The following LRRC63 variants were observed in gnomAD, a reference collection of about 807,000 sequenced individuals.
The protein encoded by LRRC63 is leucine-rich repeat-containing protein 63.
LRRC63 carries 40 observed loss-of-function variants against 49.5 expected under a neutral mutation model. The ratio of observed to expected loss-of-function variants is 0.81; its 90% CI spans 0.63 to 1.05. The LOEUF (loss-of-function observed/expected upper bound fraction) is 1.05. Ranked by LOEUF, LRRC63 falls within the 50% of genes least tolerant of loss-of-function variation. The pLI, the probability that LRRC63 is intolerant of heterozygous loss-of-function variation, is 0.00. For missense variants in LRRC63, 636 were observed against 663.1 expected (o/e 0.96, Z 0.45); for synonymous variants, 191 against 221.1 (o/e 0.86, Z 1.21).
At chr13:46,228,673 G>A (rs2046649684) in exon 4 of LRRC63, 1 of 1,541,078 alleles carries the variant, frequency 6.5e-7, no homozygotes, top group Admixed American at 2.0e-5. Context: ...AGAAACTCTT[G>A]TAACAGAAAA....
chr13:46,216,621 C>T (rs1323097984), intron 2 of LRRC63, among the ~76,000 whole-genome samples: 1 of 152,166 alleles, frequency 6.6e-6, no homozygotes, highest in Non-Finnish European at 1.5e-5. Context: ...ATTGTGCTGG[C>T]CAGAACTTCC....
chr13:46,270,494 G>GA lies in LRRC63; in HGVS notation c.1550+3524dup. On this transcript the variant is annotated intron_variant, in intron 9 of 9. Coordinates refer to ENST00000595396, the Ensembl canonical transcript of LRRC63. Reference sequence around the variant, plus strand: ...CTATTCTTCAAGAAAAGCCATCACTGAAGGCTACATTGCAGTTGAGTTACC... The same window carrying GA: ...CTATTCTTCAAGAAAAGCCATCACTGAAAGGCTACATTGCAGTTGAGTTACC... 5.1e-6 allele frequency: 4 copies of GA among 784,680 alleles called. No individual in the cohort carries two copies. In the South Asian group the frequency reaches 5.3e-5, roughly 10 times the overall value. 48.6% of individuals were successfully genotyped at this position (784,680 alleles called of 1,614,324 possible).
Position 46,269,931 on chromosome 13 carries a change from C to T in LRRC63, c.1550+2959C>T, listed in dbSNP as rs754929217. Reference sequence around the variant, plus strand: ...CATATATATATATATAGTAGTCATCCCTTATCCTTGGGAGATGCATTCCAA... The same window carrying T: ...CATATATATATATATAGTAGTCATCTCTTATCCTTGGGAGATGCATTCCAA... On this transcript the variant is annotated intron_variant, in intron 9 of 9. Transcript: ENST00000595396. The T allele has an allele frequency of 9.7e-5, 21 of 215,950 alleles. No individual in the cohort carries two copies. In the Admixed American group the frequency reaches 1.1e-3, roughly 11 times the overall value. 13.4% of individuals were successfully genotyped at this position (215,950 alleles called of 1,614,324 possible). A position where few individuals can be genotyped will look rare whatever the true frequency, so the allele number is the denominator to read the frequency against.
At position 46,234,188 on chromosome 13, in the gene LRRC63, T is replaced by G; in HGVS notation, c.833-4T>G. On this transcript the variant is annotated splice_region_variant and splice_polypyrimidine_tract_variant and intron_variant, in intron 4 of 9. Coordinates refer to ENST00000595396, the Ensembl canonical transcript of LRRC63. ...TTATGTTTTGTTTTGTTTTGTTTAT[T>G]TAGGTCTCACCAAAACTGAAAAAAT... 12 of 1,547,326 alleles carry G rather than the reference T, an allele frequency of 7.8e-6. No individual in the cohort carries two copies. The highest frequency in any genetic ancestry group is 9.6e-6 in the Non-Finnish European group (11 of 1,144,976).
At chr13:46,225,709 CATT>C (rs1405068399) in intron 2 of LRRC63, among the ~76,000 whole-genome samples, 9 of 152,248 alleles carry the variant, frequency 5.9e-5, no homozygotes, top group Admixed American at 2.6e-4. Flanking sequence ...AGGAAGCAAA[CATT>C]ATTTTCTTAC....
intron 2 of LRRC63, among the ~76,000 whole-genome samples, chr13:46,213,993 C>A (rs1174695978): frequency 2.0e-5 from 3 of 152,134 alleles, no homozygotes; most frequent in African/African-American, 7.2e-5. Context: ...TAAGTAAATG[C>A]AAAATTACCC....
exon 7 of LRRC63, chr13:46,250,478 G>C: frequency 6.5e-7 from 1 of 1,532,756 alleles, no homozygotes; most frequent in Non-Finnish European, 8.8e-7. Context: ...TTTAATTACT[G>C]TTCTTCCAAT....
intron 6 of LRRC63, among the ~76,000 whole-genome samples, chr13:46,247,110 A>T (rs757899671): frequency 3.3e-5 from 5 of 152,142 alleles, no homozygotes; most frequent in Non-Finnish European, 7.4e-5. Context: ...ATTAGGACAA[A>T]TTACGTTTTT....
At chr13:46,268,310 A>T (rs1490732706) in intron 9 of LRRC63, among the ~76,000 whole-genome samples, 1 of 152,208 alleles carries the variant, frequency 6.6e-6, no homozygotes, top group Non-Finnish European at 1.5e-5. Flanking sequence ...AGGTAAAGAG[A>T]TTGGAGAAAA....
rs776437984 is a variant in LRRC63 at position 46,266,743 on chromosome 13, A to G, written c.1321A>G (p.Lys441Glu). 1.6e-5 allele frequency: 25 copies of G among 1,542,658 alleles called. No homozygotes were observed. The Middle Eastern group carries it at 5.0e-4, about 31-fold the overall frequency. Residue 441 changes from lysine to glutamate, a missense_variant, in exon 9 of 10, where the codon AAA becomes GAA. Lys to Glu is a moderately conservative substitution (Grantham distance 56). Transcript: ENST00000595396. Reference sequence around the variant, plus strand: ...TTCCTTTATTTACAGATCACTTGAAAAACTGACTGTTGATGGGAATGAACT... The same window carrying G: ...TTCCTTTATTTACAGATCACTTGAAGAACTGACTGTTGATGGGAATGAACT...
At chr13:46,227,469 T>C (rs2046609088) in intron 2 of LRRC63, 43 bp from the exon 3 acceptor site, 14 of 1,245,134 alleles carry the variant, frequency 1.1e-5, no homozygotes, top group East Asian at 2.6e-5. Context: ...CTGTGACATA[T>C]TGATAAATAT....
intron 7 of LRRC63, among the ~76,000 whole-genome samples, chr13:46,255,630 T>C (rs1051299297): frequency 8.8e-5 from 10 of 114,258 alleles, no homozygotes; most frequent in Non-Finnish European, 3.3e-5. Context: ...GGCAACAGAG[T>C]AAGACCCTGC....
At chr13:46,264,825 G>A (rs1439899353) in intron 8 of LRRC63, among the ~76,000 whole-genome samples, 1 of 152,200 alleles carries the variant, frequency 6.6e-6, no homozygotes, top group African/African-American at 2.4e-5. Flanking sequence ...GTGCTCAGCT[G>A]CCAAGGCAGT....
At chr13:46,218,109 T>A (rs1555321275) in intron 2 of LRRC63, among the ~76,000 whole-genome samples, 1 of 152,226 alleles carries the variant, frequency 6.6e-6, no homozygotes, top group Non-Finnish European at 1.5e-5. Context: ...TGTAGATGTC[T>A]ATTAGGTCTT....
At chr13:46,223,184 A>C (rs1336868639) in intron 2 of LRRC63, among the ~76,000 whole-genome samples, 1 of 152,024 alleles carries the variant, frequency 6.6e-6, no homozygotes, top group Non-Finnish European at 1.5e-5. Flanking sequence ...CACATTGTGC[A>C]CATGTACCCT....
At chr13:46,252,565 A>G (rs1049314434) in intron 7 of LRRC63, among the ~76,000 whole-genome samples, 1 of 152,074 alleles carries the variant, frequency 6.6e-6, no homozygotes, top group Non-Finnish European at 1.5e-5. Context: ...AATTGAGTAA[A>G]GTAAAATAAT....
At chr13:46,258,692 C>T (rs1433636159) in intron 7 of LRRC63, among the ~76,000 whole-genome samples, 1 of 150,104 alleles carries the variant, frequency 6.7e-6, no homozygotes, top group Admixed American at 6.6e-5. Context: ...CCTGTAATCC[C>T]AGCTACTCAG....
rs2046111796 is a variant in LRRC63 at position 46,212,215 on chromosome 13, C to CA, written c.-78_-77insA. The CA allele has an allele frequency of 6.6e-6, 1 of 152,288 alleles. No individual in the cohort carries two copies. The highest frequency in any genetic ancestry group is 6.5e-5 in the Admixed American group (1 of 15,286). 9.4% of individuals were successfully genotyped at this position (152,288 alleles called of 1,614,324 possible). On this transcript the variant is annotated 5_prime_UTR_variant, in exon 1 of 10. The change abolishes the stop of an existing upstream ORF in the 5' untranslated region. Transcript: ENST00000595396. ...TTCCAGCATCGTGTGGAACATATGACCAGGGAGTACACCTTGAGCGCTTGT... is the reference window on the plus strand; with the variant it reads ...TTCCAGCATCGTGTGGAACATATGACACAGGGAGTACACCTTGAGCGCTTGT...
At chr13:46,237,710 G>A (rs1029862477) in intron 5 of LRRC63, among the ~76,000 whole-genome samples, 3 of 152,062 alleles carry the variant, frequency 2.0e-5, no homozygotes, top group Non-Finnish European at 4.4e-5. Context: ...GCTAGACTAA[G>A]TAAAAGAGAG....
Sources: allele counts gnomAD v4.1 joint callset (sites outside exome capture counted in the v4.1 genomes callset), GRCh38; gene constraint gnomAD v4.1.1; transcripts MANE v1.5; gene names NCBI Gene and HGNC (gene_info 2026-07-23, HGNC 2026-07-21).